The following POLDIP2 variants were observed in gnomAD, a reference collection of about 807,000 sequenced individuals.
The protein encoded by POLDIP2 is polymerase delta-interacting protein 2.
A neutral mutation model predicts 52.9 loss-of-function variants in POLDIP2; 32 were observed. The observed-to-expected ratio is 0.61, with a 90% CI of 0.46 to 0.81. The LOEUF (loss-of-function observed/expected upper bound fraction) is 0.81. POLDIP2 is among the 40% of genes least tolerant of loss of function. The pLI is 0.00. For missense variants in POLDIP2, 371 were observed against 477.3 expected (o/e 0.78, Z 2.07); for synonymous variants, 183 against 183.0 (o/e 1.00, Z 0.00).
At position 28,357,332 on chromosome 17, in the gene POLDIP2, G is replaced by A. The variant is rs1555581139; in HGVS notation, c.117C>T (p.Phe39=). The A allele has an allele frequency of 6.3e-7, 1 of 1,578,784 alleles. No individual in the cohort carries two copies. Among genetic ancestry groups the A allele is most frequent in the Non-Finnish European group, 8.5e-7 (1 of 1,172,552 alleles). The change falls in exon 1 of 11, where the codon TTC becomes TTT. Residue 39 remains phenylalanine (F), a synonymous_variant. Coordinates refer to ENST00000540200, the MANE Select transcript of POLDIP2 (RefSeq NM_015584.5). ...GCGTCGTCGTGGTCGACGCTGGCGA[G>A]AAGGCTCCAGCTCCGGCCGCCGCAC... is the stretch of plus-strand genomic sequence containing the variant. The part of the protein sequence containing the change: ...PLCAAAGAGA[F]SPASTTTTRR...
At chr17:28,353,099 C>T in intron 5 of POLDIP2, 80 bp from the exon 6 acceptor site, 3 of 758,894 alleles carry the variant, frequency 4.0e-6, no homozygotes, top group Admixed American at 3.9e-5. Context: ...ATTAACTGGC[C>T]TTGTTCCAGT....
chr17:28,355,468 G>C (rs931978991), intron 2 of POLDIP2, among the ~76,000 whole-genome samples: 3 of 152,158 alleles, frequency 2.0e-5, no homozygotes, highest in Admixed American at 2.0e-4. Flanking sequence ...TTAGCCAAGT[G>C]TGGTGGCGCA....
In POLDIP2 at chr17:28,352,237, C is replaced by CTTT. The variant is rs782311219; in HGVS notation, c.623-440_623-438dup. Reference sequence around the variant, plus strand: ...TGGAAATAGAGCGTTGGAATTATTTCTTTTTTTTTTTTTTTTTTGGAGACG... The same window carrying CTTT: ...TGGAAATAGAGCGTTGGAATTATTTCTTTTTTTTTTTTTTTTTTTTTGGAGACG... On this transcript the variant is annotated intron_variant, in intron 6 of 10. Coordinates refer to ENST00000540200, the MANE Select transcript of POLDIP2 (RefSeq NM_015584.5). 4.5e-3 allele frequency among the ~76,000 whole-genome samples: 394 copies of CTTT among 87,648 alleles called. 39 individuals carry two copies. Among genetic ancestry groups the CTTT allele is most frequent in the African/African-American group, 0.018 (369 of 20,582 alleles). The allele number at this position is 87,648 out of a possible 152,430, so 57.5% of individuals were successfully genotyped here. A position where few individuals can be genotyped will look rare whatever the true frequency, so the allele number is the denominator to read the frequency against.
chr17:28,354,082 G>C (rs1334062756), intron 3 of POLDIP2, among the ~76,000 whole-genome samples: 6 of 152,204 alleles, frequency 3.9e-5, no homozygotes, highest in African/African-American at 1.4e-4. Flanking sequence ...CCAGGGCCCA[G>C]AGTACTCTTG....
rs556722342 is a variant in POLDIP2, at chr17:28,355,885, G to A, written c.162-9C>T. ...TGCCCTCTGGTCGGTTTCTGAGTAG[G>A]AAGGAAAAGAACAAGCAACAGAAAA... On this transcript the variant is annotated splice_polypyrimidine_tract_variant and intron_variant, in intron 1 of 10. Coordinates refer to ENST00000540200, the MANE Select transcript of POLDIP2 (RefSeq NM_015584.5). 8.7e-6 allele frequency: 14 copies of A among 1,604,350 alleles called. No individual in the cohort carries two copies. The highest frequency in any genetic ancestry group is 3.3e-4 in the Middle Eastern group (2 of 6,038).
rs1555581142 is a variant in POLDIP2, at chr17:28,357,335, G to A, written c.114C>T (p.Ala38=). The change falls in exon 1 of 11, where the codon GCC becomes GCT. Residue 38 remains alanine, a synonymous_variant. Coordinates refer to ENST00000540200, the MANE Select transcript of POLDIP2 (RefSeq NM_015584.5). ...RPLCAAAGAG[A]FSPASTTTTR... ...TCGTCGTGGTCGACGCTGGCGAGAA[G>A]GCTCCAGCTCCGGCCGCCGCACAGA... 3 of 1,578,566 alleles carry A rather than the reference G, an allele frequency of 1.9e-6. No homozygotes were observed. Among genetic ancestry groups the A allele is most frequent in the African/African-American group, 1.4e-5 (1 of 72,378 alleles).
intron 2 of POLDIP2, 114 bp downstream of exon 2, chr17:28,355,681 A>G: frequency 2.1e-6 from 1 of 478,132 alleles, no homozygotes; most frequent in Non-Finnish European, 3.7e-6. Context: ...ATGGCACCAA[A>G]CATCAAGGTG....
chr17:28,353,971 T>C (rs182299035), intron 3 of POLDIP2, among the ~76,000 whole-genome samples, 180 bp from the exon 4 acceptor site: 1 of 152,248 alleles, frequency 6.6e-6, no homozygotes, highest in African/African-American at 2.4e-5. Context: ...GGGCAAATAA[T>C]AGAGCATGGA....
At chr17:28,353,536 G>C (rs1487688294) in intron 4 of POLDIP2, among the ~76,000 whole-genome samples, 159 bp downstream of exon 4, 1 of 31,282 alleles carries the variant, frequency 3.2e-5, no homozygotes, top group African/African-American at 1.7e-4. Flanking sequence ...AAAAAAAAAA[G>C]ACGTGAATCA....
rs781849812 is a variant in POLDIP2, at chr17:28,351,814, C to T, written c.623-14G>A. 1.9e-6 allele frequency: 3 copies of T among 1,612,224 alleles called. No homozygotes were observed. The highest frequency in any genetic ancestry group is 4.5e-5 in the East Asian group (2 of 44,884). On this transcript the variant is annotated splice_polypyrimidine_tract_variant and intron_variant, in intron 6 of 10. Coordinates refer to ENST00000540200, the MANE Select transcript of POLDIP2 (RefSeq NM_015584.5). ...CAAAAGGAGGTGCTGGGGCAAGATACAATTGGTTAGTCCAATTGTGTGTTG... is the reference window on the plus strand; with the variant it reads ...CAAAAGGAGGTGCTGGGGCAAGATATAATTGGTTAGTCCAATTGTGTGTTG...
chr17:28,348,700 A>G (rs1199935349), intron 10 of POLDIP2, among the ~76,000 whole-genome samples: 1 of 152,214 alleles, frequency 6.6e-6, no homozygotes, highest in African/African-American at 2.4e-5. Context: ...CAATAAGTGA[A>G]ACTCCATCTC....
In POLDIP2 at chr17:28,347,605, C is replaced by T. The variant is rs3093724; in HGVS notation, c.*512G>A. Reference sequence around the variant, plus strand: ...GAACAAGAGTCCAGTCCAGCACCCCCGCCAACTAGCTGAGAGGCACAGTGA... The same window carrying T: ...GAACAAGAGTCCAGTCCAGCACCCCTGCCAACTAGCTGAGAGGCACAGTGA... On this transcript the variant is annotated 3_prime_UTR_variant, in exon 11 of 11. Transcript: ENST00000540200. The T allele has an allele frequency of 7.2e-3, 1,129 of 156,168 alleles. 7 individuals are homozygous for T. Among genetic ancestry groups the T allele is most frequent in the Non-Finnish European group, 0.011 (797 of 70,482 alleles). 9.7% of individuals were successfully genotyped at this position (156,168 alleles called of 1,614,324 possible).
In POLDIP2 at chr17:28,353,230, T is replaced by G; in HGVS notation, c.514+11A>C. The G allele has an allele frequency of 7.0e-7, 1 of 1,430,796 alleles. No individual in the cohort carries two copies. Among genetic ancestry groups the G allele is most frequent in the Non-Finnish European group, 9.8e-7 (1 of 1,016,100 alleles). The allele number at this position is 1,430,796 out of a possible 1,614,324, so 88.6% of individuals were successfully genotyped here. A position where few individuals can be genotyped will look rare whatever the true frequency, so the allele number is the denominator to read the frequency against. On this transcript the variant is annotated intron_variant, in intron 5 of 10. Coordinates refer to ENST00000540200, the MANE Select transcript of POLDIP2 (RefSeq NM_015584.5). ...TTCTTGACGGGCACCATTCAAATGC[T>G]AACTACTCACCTGGGATGGCATAGA...
Position 28,350,549 on chromosome 17 carries a change from G to A in POLDIP2, c.801C>T (p.Ile267=), listed in dbSNP as rs782199904. 12 of 1,613,528 alleles carry A rather than the reference G, an allele frequency of 7.4e-6. No individual in the cohort carries two copies. In the Admixed American group the frequency reaches 1.8e-4, roughly 25 times the overall value. ...CATCACTGTCAAGGTTCTCCAAACG[G>A]ATACAGTAGCGCCACTGAGGTGGGT... ...NSHVYWWRYC[I]RLENLDSDVV... The change falls in exon 9 of 11, where the codon ATC becomes ATT. Residue 267 remains isoleucine (I), a synonymous_variant. Coordinates refer to ENST00000540200, the MANE Select transcript of POLDIP2 (RefSeq NM_015584.5).
chr17:28,352,560 T>C (rs1907847876), intron 6 of POLDIP2, among the ~76,000 whole-genome samples: 3 of 133,732 alleles, frequency 2.2e-5, no homozygotes, highest in East Asian at 2.3e-4. Flanking sequence ...TTTCCTGAGA[T>C]GGAGTCTCGC....
intron 10 of POLDIP2, among the ~76,000 whole-genome samples, chr17:28,348,739 C>T (rs1907682501): frequency 6.6e-6 from 1 of 152,138 alleles, no homozygotes; most frequent in African/African-American, 2.4e-5. Context: ...ACACAGCTGT[C>T]CAGATTCTGG....
In POLDIP2 at chr17:28,354,494, G is replaced by A. The variant is rs1555580569; in HGVS notation, c.335C>T (p.Pro112Leu). 4 of 1,553,120 alleles carry A rather than the reference G, an allele frequency of 2.6e-6. No homozygotes were observed. The East Asian group carries it at 9.7e-5, about 38-fold the overall frequency. The stretch of plus-strand genomic sequence containing the variant: ...CAACCACAGGGAAACTTACTTTTCT[G>A]GAGCTGCAGAAGCCACATCCCGGTC... ...LYDRDVASAAPEKAENPAGHG... is the reference protein window; with the variant it reads ...LYDRDVASAALEKAENPAGHG... Residue 112 changes from proline to leucine, a missense_variant, in exon 3 of 11, where the codon CCA becomes CTA. Pro to Leu is a moderately conservative substitution (Grantham distance 98, BLOSUM62 -3). Coordinates refer to ENST00000540200, the MANE Select transcript of POLDIP2 (RefSeq NM_015584.5).
chr17:28,349,774 G>A (rs1345207994), intron 9 of POLDIP2, among the ~76,000 whole-genome samples: 6 of 152,242 alleles, frequency 3.9e-5, no homozygotes, highest in African/African-American at 1.4e-4. Context: ...CATTTTAGGA[G>A]TAAGGAACTA....
intron 9 of POLDIP2, among the ~76,000 whole-genome samples, chr17:28,349,613 GC>G (rs1802978411): frequency 6.6e-6 from 1 of 152,116 alleles, no homozygotes; most frequent in Non-Finnish European, 1.5e-5. Context: ...GGGTGACACA[GC>G]GAGACCCTGT....
Sources: gnomAD v4.1 joint callset for allele counts (sites outside exome capture counted in the v4.1 genomes callset) on GRCh38, gnomAD v4.1.1 for gene constraint, MANE v1.5 for transcripts, NCBI Gene and HGNC (gene_info 2026-07-23, HGNC 2026-07-21) for gene names.